PRICKLE1: variants seen among roughly 807,000 people sequenced by gnomAD.
PRICKLE1 encodes the protein prickle planar cell polarity protein 1.
A neutral mutation model predicts 70.2 loss-of-function variants in PRICKLE1; 14 were observed. That is an observed-to-expected ratio of 0.20 (90% CI 0.13 to 0.31). The LOEUF is 0.31. PRICKLE1 is among the 10% of genes least tolerant of loss of function. The pLI is 1.00. For synonymous variants in PRICKLE1, 357 were observed against 379.9 expected, an observed-to-expected ratio of 0.94 and a Z score of 0.70; for missense variants, 821 against 1,026.2, an observed-to-expected ratio of 0.80 and a Z score of 2.73.
At chr12:42,565,326 GATCTGGGGTCCCATT>G (rs1940603880) in intron 1 of PRICKLE1, among the ~76,000 whole-genome samples, 1 of 152,188 alleles carries the variant, frequency 6.6e-6, no homozygotes, top group African/African-American at 2.4e-5. Context: ...AGGAAGGAAG[GATCTGGGGTCCCATT>G]AAGAACCAAG....
chr12:42,464,116 C>A lies in PRICKLE1; in HGVS notation c.1639+279G>T, dbSNP rs143392987. 7.0e-3 allele frequency among the ~76,000 whole-genome samples: 1,069 copies of A among 152,134 alleles called. 41 individuals carry two copies. In the East Asian group the frequency reaches 0.09, roughly 13 times the overall value. On this transcript the variant is annotated intron_variant, in intron 7 of 7. Transcript: ENST00000345127. This position sits in a 1 kb window ranked among gnomAD's most constrained non-coding sequence, Gnocchi z 4.2. ...CAATCTTGGCTCACTACAACCTCTG[C>A]CTCCTGGGTTCAAGCAATTCTCTTG...
chr12:42,469,911 C>A lies in PRICKLE1; in HGVS notation c.247-324G>T, dbSNP rs1938248322. On this transcript the variant is annotated intron_variant, in intron 3 of 7. Transcript: ENST00000345127. ...TTAATTGCCACTTTTACTCTCCATTCTACATGCACTCAACTCAACTGCAGG... is the reference window on the plus strand; with the variant it reads ...TTAATTGCCACTTTTACTCTCCATTATACATGCACTCAACTCAACTGCAGG... 1.0e-5 allele frequency: 5 copies of A among 493,654 alleles called. No homozygotes were observed. In the South Asian group the frequency reaches 1.1e-4, roughly 11 times the overall value. 30.6% of individuals were successfully genotyped at this position (493,654 alleles called of 1,614,324 possible). A position where few individuals can be genotyped will look rare whatever the true frequency, so the allele number is the denominator to read the frequency against.
At chr12:42,475,861 G>C (rs551319103) in intron 1 of PRICKLE1, among the ~76,000 whole-genome samples, 5 of 151,858 alleles carry the variant, frequency 3.3e-5, no homozygotes, top group Admixed American at 6.6e-5. Context: ...GGGAGGCTGG[G>C]GGGGGGCGGG....
At chr12:42,557,060 T>C (rs1940424992) in intron 1 of PRICKLE1, among the ~76,000 whole-genome samples, 1 of 152,046 alleles carries the variant, frequency 6.6e-6, no homozygotes, top group Admixed American at 6.5e-5. Context: ...GCTCAAGTGA[T>C]CCTCCTACCG....
At position 42,529,888 on chromosome 12, in the gene PRICKLE1, C is replaced by G. The variant is rs191384702; in HGVS notation, c.-48-57324G>C. Reference sequence around the variant, plus strand: ...CCTGGACAACAGAGTGAGACCTTATCAAAAAAAAAGGAAAAAGGAAGAATT... The same window carrying G: ...CCTGGACAACAGAGTGAGACCTTATGAAAAAAAAAGGAAAAAGGAAGAATT... On this transcript the variant is annotated intron_variant, in intron 1 of 7. Transcript: ENST00000345127. Among the ~76,000 whole-genome samples the G allele has an allele frequency of 3.5e-3, 524 of 148,720 alleles. 1 individual carries two copies. The highest frequency in any genetic ancestry group is 0.012 in the African/African-American group (497 of 40,588).
chr12:42,481,734 T>A (rs879277953), intron 1 of PRICKLE1, among the ~76,000 whole-genome samples: 12 of 152,232 alleles, frequency 7.9e-5, no homozygotes, highest in African/African-American at 2.7e-4. Context: ...TCCATTCTTT[T>A]CACAATACAA....
At chr12:42,483,237 C>G (rs1446363141) in intron 1 of PRICKLE1, 1 of 152,426 alleles carries the variant, frequency 6.6e-6, no homozygotes, top group Non-Finnish European at 1.5e-5. Flanking sequence ...ACGGTGGGGC[C>G]GAGCAGCCAC....
In PRICKLE1 at chr12:42,458,196, G is replaced by C. The variant is rs760160332; in HGVS notation, c.*1613C>G. On this transcript the variant is annotated 3_prime_UTR_variant, in exon 8 of 8. Coordinates refer to ENST00000345127, the MANE Select transcript of PRICKLE1 (RefSeq NM_153026.3). Reference sequence around the variant, plus strand: ...ATGGAAAAAATAAGCCTCTGTGTCTGAAGCCCTATTTCTGGCCTACAAGTG... The same window carrying C: ...ATGGAAAAAATAAGCCTCTGTGTCTCAAGCCCTATTTCTGGCCTACAAGTG... The C allele has an allele frequency of 6.6e-6, 1 of 152,190 alleles. No individual in the cohort carries two copies. Among genetic ancestry groups the C allele is most frequent in the Non-Finnish European group, 1.5e-5 (1 of 68,036 alleles). The allele number at this position is 152,190 out of a possible 1,614,324, so 9.4% of individuals were successfully genotyped here.
At chr12:42,497,047 T>C (rs2708050) in intron 1 of PRICKLE1, among the ~76,000 whole-genome samples, 29,063 of 152,148 alleles carry the variant, frequency 0.19, 3,537 homozygotes, top group African/African-American at 0.32. Flanking sequence ...TTTTAACATG[T>C]CTTACTCACT....
intron 1 of PRICKLE1, among the ~76,000 whole-genome samples, chr12:42,571,955 GTATT>G (rs1433943132): frequency 2.0e-5 from 3 of 152,130 alleles, no homozygotes; most frequent in Non-Finnish European, 4.4e-5. Context: ...TCTTCAGTAA[GTATT>G]TGTTGAATGA....
At chr12:42,502,980 T>C (rs1183648453) in intron 1 of PRICKLE1, among the ~76,000 whole-genome samples, 1 of 152,212 alleles carries the variant, frequency 6.6e-6, no homozygotes, top group East Asian at 1.9e-4. Context: ...TTGGCCATCT[T>C]GTAATATTTT....
At chr12:42,483,384 C>A (rs1470980257) in intron 1 of PRICKLE1, 2 of 149,052 alleles carry the variant, frequency 1.3e-5, no homozygotes, top group Admixed American at 6.6e-5. Context: ...ACCTGCGGCC[C>A]GGACAGCGGC....
chr12:42,521,979 CTTT>C (rs548219588), intron 1 of PRICKLE1, among the ~76,000 whole-genome samples: 2 of 119,926 alleles, frequency 1.7e-5, no homozygotes, highest in Non-Finnish European at 1.8e-5. Flanking sequence ...TGTTTAACTT[CTTT>C]TTTTTTTTTT....
At chr12:42,487,904 G>C (rs559434690) in intron 1 of PRICKLE1, among the ~76,000 whole-genome samples, 33 of 152,226 alleles carry the variant, frequency 2.2e-4, no homozygotes, top group Non-Finnish European at 3.8e-4. Flanking sequence ...AAATTAGCTG[G>C]GCATGGTGGC....
In PRICKLE1 at chr12:42,584,122, A is replaced by G. The variant is rs59160286; in HGVS notation, c.-49+5343T>C. 6.7e-3 allele frequency among the ~76,000 whole-genome samples: 1,014 copies of G among 152,286 alleles called. 15 individuals carry two copies. Among genetic ancestry groups the G allele is most frequent in the African/African-American group, 0.024 (983 of 41,546 alleles). ...ATTTGGAGAGTTTACTTCCAATAAA[A>G]TCGTGAAATTATGTGCTGATTCCCC... On this transcript the variant is annotated intron_variant, in intron 1 of 7. Coordinates refer to ENST00000345127, the MANE Select transcript of PRICKLE1 (RefSeq NM_153026.3).
intron 1 of PRICKLE1, among the ~76,000 whole-genome samples, chr12:42,527,917 A>C (rs2600931): frequency 0.87 from 101,809 of 117,184 alleles, 43,281 homozygotes; most frequent in East Asian, 0.95. Context: ...ACTCTTTATA[A>C]TATATATATA....
Position 42,469,590 on chromosome 12 carries a change from T to C in PRICKLE1, c.247-3A>G. On this transcript the variant is annotated splice_region_variant and splice_polypyrimidine_tract_variant and intron_variant, in intron 3 of 7. Coordinates refer to ENST00000345127, the MANE Select transcript of PRICKLE1 (RefSeq NM_153026.3). Reference sequence around the variant, plus strand: ...CTCAAAGACTGGCAATACCGTACCTTCACAGAAAGCAAAACAGAAACACCA... The same window carrying C: ...CTCAAAGACTGGCAATACCGTACCTCCACAGAAAGCAAAACAGAAACACCA... The C allele has an allele frequency of 1.2e-6, 2 of 1,614,020 alleles. No individual in the cohort carries two copies. The highest frequency in any genetic ancestry group is 1.7e-6 in the Non-Finnish European group (2 of 1,180,022).
intron 1 of PRICKLE1, among the ~76,000 whole-genome samples, chr12:42,509,838 G>C (rs1461858509): frequency 2.0e-5 from 3 of 151,976 alleles, no homozygotes; most frequent in Non-Finnish European, 4.4e-5. Flanking sequence ...ACTTTGGAAG[G>C]CTGAGGCAGG....
At chr12:42,497,474 G>A (rs1055505679) in intron 1 of PRICKLE1, among the ~76,000 whole-genome samples, 4 of 151,568 alleles carry the variant, frequency 2.6e-5, no homozygotes, top group Admixed American at 6.6e-5. Context: ...GCGTGAACCC[G>A]GGAGGCAGAG....
Sources: allele counts gnomAD v4.1 joint callset (sites outside exome capture counted in the v4.1 genomes callset), GRCh38; gene constraint gnomAD v4.1.1; non-coding constraint Gnocchi (gnomAD v3.1); transcripts MANE v1.5; gene names NCBI Gene and HGNC (gene_info 2026-07-23, HGNC 2026-07-21).